Variants in KCNN2 observed in about 807,000 individuals in gnomAD.
KCNN2 encodes small conductance calcium-activated potassium channel protein 2.
KCNN2 carries 24 observed loss-of-function variants against 55.5 expected under a neutral mutation model. The observed-to-expected ratio is 0.43, with a 90% CI of 0.31 to 0.61. The LOEUF (loss-of-function observed/expected upper bound fraction) is 0.61. Among genes scored for constraint, KCNN2 ranks in the 20% least tolerant of loss-of-function variants. The probability of loss-of-function intolerance (pLI) is 0.08; values close to 1 mark genes in which losing one functional copy is unlikely to be tolerated. For synonymous variants in KCNN2, 431 were observed against 336.1 expected (o/e 1.28, Z -3.09); for missense variants, 754 against 853.6 (o/e 0.88, Z 1.45).
chr5:114,155,165 C>T lies in KCNN2; in HGVS notation c.-270-66315C>T, dbSNP rs538770454. ...TTGGTTTTCTGTTCCTGTGTTATTT[C>T]GCTAAAGATAATGACCTCCAGCCCC... On this transcript the variant is annotated intron_variant, in intron 1 of 10. Coordinates refer to the KCNN2 transcript ENST00000512097. Among the ~76,000 whole-genome samples the T allele has an allele frequency of 3.9e-5, 6 of 152,120 alleles. No individual in the cohort carries two copies. In the South Asian group the frequency reaches 8.3e-4, roughly 21 times the overall value.
intron 1 of KCNN2, among the ~76,000 whole-genome samples, chr5:114,110,376 G>C (rs758299270): frequency 4.6e-5 from 7 of 152,046 alleles, no homozygotes; most frequent in Non-Finnish European, 7.4e-5. Flanking sequence ...AAGGTACCAG[G>C]TGAAGACCAG....
At chr5:114,359,722 G>C (rs1757367590), upstream of KCNN2, among the ~76,000 whole-genome samples, 1 of 152,160 alleles carries the variant, frequency 6.6e-6, no homozygotes, top group Admixed American at 6.5e-5. Context: ...GAAGTATTTA[G>C]ATTTGTAAGG....
intron 2 of KCNN2, among the ~76,000 whole-genome samples, chr5:114,401,133 T>C (rs1023304054): frequency 6.6e-6 from 1 of 152,054 alleles, no homozygotes; most frequent in Non-Finnish European, 1.5e-5. Flanking sequence ...ACAAGCAACA[T>C]TGAGGGTCAG....
Position 114,095,573 on chromosome 5 carries a change from A to G in KCNN2, c.-271+39073A>G, listed in dbSNP as rs528109396. 1.2e-4 allele frequency among the ~76,000 whole-genome samples: 19 copies of G among 152,346 alleles called. No homozygotes were observed. In the Middle Eastern group the frequency reaches 0.01, roughly 82 times the overall value. On this transcript the variant is annotated intron_variant, in intron 1 of 10. Transcript: ENST00000512097. ...ACAAGGTTGCCTGGAGTCACAGAGC[A>G]AATGGCAGAACCAAGATTCAATTCT... is the stretch of plus-strand genomic sequence containing the variant.
intron 1 of KCNN2, among the ~76,000 whole-genome samples, chr5:114,132,759 G>A (rs753044788): frequency 4.6e-5 from 7 of 152,122 alleles, no homozygotes; most frequent in Non-Finnish European, 8.8e-5. Flanking sequence ...TCTTAGGTAA[G>A]GTCTTGTTTA....
rs1455525849 is a variant in KCNN2 at position 114,096,662 on chromosome 5, C to T, written c.-271+40162C>T. Among the ~76,000 whole-genome samples, 5 of 152,212 alleles carry T rather than the reference C, an allele frequency of 3.3e-5. 1 individual carries two copies. In the East Asian group the frequency reaches 9.7e-4, roughly 30 times the overall value. On this transcript the variant is annotated intron_variant, in intron 1 of 10. Coordinates refer to the KCNN2 transcript ENST00000512097. ...CCCTCTCTCCCTCGTGGTACTCCTC[C>T]TGTGTTCCACTCTTTCCTGCAGACT... is the stretch of plus-strand genomic sequence containing the variant.
chr5:114,241,772 A>AGATG (rs1754638699), intron 2 of KCNN2, among the ~76,000 whole-genome samples: 2 of 13,478 alleles, frequency 1.5e-4, no homozygotes, highest in South Asian at 9.8e-3. Context: ...ACGTATATAT[A>AGATG]TACATATATA....
At chr5:114,215,408 T>A (rs1753982196) in intron 1 of KCNN2, among the ~76,000 whole-genome samples, 2 of 152,080 alleles carry the variant, frequency 1.3e-5, no homozygotes, top group Non-Finnish European at 2.9e-5. Flanking sequence ...GAGAGTTACT[T>A]TTTTTCATTG....
chr5:114,107,894 G>A (rs1751521414), intron 1 of KCNN2, among the ~76,000 whole-genome samples: 1 of 151,948 alleles, frequency 6.6e-6, no homozygotes, highest in Non-Finnish European at 1.5e-5. Context: ...TTCTCTTGGT[G>A]ACGTTTTGCC....
At chr5:114,182,212 G>A (rs1480836995) in intron 1 of KCNN2, among the ~76,000 whole-genome samples, 1 of 151,876 alleles carries the variant, frequency 6.6e-6, no homozygotes, top group African/African-American at 2.4e-5. Context: ...TGATCTAGTA[G>A]AAACTTCTGA....
chr5:114,149,562 G>A (rs1752473039), intron 1 of KCNN2, among the ~76,000 whole-genome samples: 1 of 152,134 alleles, frequency 6.6e-6, no homozygotes, highest in Admixed American at 6.5e-5. Flanking sequence ...GTAGGTTAGT[G>A]AGGGATTTAG....
intron 2 of KCNN2, among the ~76,000 whole-genome samples, chr5:114,352,049 A>G (rs186820713): frequency 1.1e-4 from 16 of 151,936 alleles, no homozygotes; most frequent in Non-Finnish European, 2.1e-4. Context: ...AGCGAAGCCA[A>G]CAGGGCCTGG....
In KCNN2 at chr5:114,362,941, G is replaced by A; in HGVS notation, c.802G>A (p.Ala268Thr). Reference protein sequence around the residue: ...ASSPSAAAAAAAAVSSSAPEI... With the variant: ...ASSPSAAAAATAAVSSSAPEI... ...CTCCCCGTCTGCAGCCGCTGCCGCC[G>A]CCGCCGCTGTTTCGTCCTCAGCCCC... Residue 268 changes from alanine to threonine, a missense_variant, in exon 1 of 8, where the codon GCC becomes ACC. By Grantham distance (58) the Ala-to-Thr change is moderately conservative. Coordinates refer to ENST00000673685, the MANE Select transcript of KCNN2 (RefSeq NM_021614.4). The A allele has an allele frequency of 3.2e-6, 5 of 1,585,596 alleles. No individual in the cohort carries two copies. Among genetic ancestry groups the A allele is most frequent in the Non-Finnish European group, 4.3e-6 (5 of 1,173,472 alleles).
At chr5:114,157,909 T>C (rs1202608661) in intron 1 of KCNN2, among the ~76,000 whole-genome samples, 1 of 151,920 alleles carries the variant, frequency 6.6e-6, no homozygotes, top group African/African-American at 2.4e-5. Flanking sequence ...ATTAGCCCTT[T>C]GTCAGATGAG....
intron 2 of KCNN2, among the ~76,000 whole-genome samples, chr5:114,236,313 G>T (rs1159641925): frequency 6.6e-6 from 1 of 152,100 alleles, no homozygotes; most frequent in African/African-American, 2.4e-5. Context: ...AGAAGGAAAA[G>T]AAAATAAATT....
intron 1 of KCNN2, among the ~76,000 whole-genome samples, chr5:114,181,595 A>G (rs1753241518): frequency 6.6e-6 from 1 of 152,126 alleles, no homozygotes; most frequent in South Asian, 2.1e-4. Context: ...ATAAAGTCTA[A>G]TTTATCAATT....
intron 1 of KCNN2, among the ~76,000 whole-genome samples, chr5:114,180,724 A>G (rs1042970423): frequency 3.3e-5 from 5 of 152,248 alleles, no homozygotes; most frequent in African/African-American, 1.2e-4. Flanking sequence ...CAAACCACCC[A>G]AACCCCTAAT....
intron 2 of KCNN2, among the ~76,000 whole-genome samples, chr5:114,379,843 T>C (rs1159782756): frequency 6.9e-6 from 1 of 145,640 alleles, no homozygotes; most frequent in Non-Finnish European, 1.5e-5. Context: ...TTATATAGCT[T>C]ATATATTATA....
intron 2 of KCNN2, among the ~76,000 whole-genome samples, chr5:114,245,566 C>A (rs1317510831): frequency 6.6e-6 from 1 of 152,112 alleles, no homozygotes; most frequent in Non-Finnish European, 1.5e-5. Flanking sequence ...CTATAGCTGC[C>A]TTTTGGTTTA....
Sources: allele counts gnomAD v4.1 joint callset (sites outside exome capture counted in the v4.1 genomes callset), GRCh38; gene constraint gnomAD v4.1.1; transcripts MANE v1.5; gene names NCBI Gene and HGNC (gene_info 2026-07-23, HGNC 2026-07-21).